STK4: variants seen among roughly 807,000 people sequenced by gnomAD.
The protein encoded by STK4 is serine/threonine-protein kinase 4.
Under a neutral mutation model 64.9 loss-of-function variants are expected in STK4, and 30 were observed. The ratio of observed to expected loss-of-function variants is 0.46; its 90% confidence interval spans 0.35 to 0.63. The LOEUF (loss-of-function observed/expected upper bound fraction) is 0.63. Ranked by LOEUF, STK4 falls within the 20% of genes least tolerant of loss-of-function variation. STK4 has a pLI of 0.01. For missense variants in STK4, 466 were observed against 598.5 expected (o/e 0.78, Z 2.31); for synonymous variants, 177 against 199.0 (o/e 0.89, Z 0.93).
chr20:45,032,870 C>A (rs2068468578), intron 10 of STK4, among the ~76,000 whole-genome samples: 1 of 152,166 alleles, frequency 6.6e-6, no homozygotes, highest in South Asian at 2.1e-4. Context: ...CATGATTGAA[C>A]TAATTTACAT....
intron 10 of STK4, among the ~76,000 whole-genome samples, chr20:45,041,516 G>A (rs1057209162): frequency 3.9e-5 from 6 of 152,112 alleles, no homozygotes; most frequent in Non-Finnish European, 5.9e-5. Flanking sequence ...AGTTTATTCA[G>A]CCAGTCCTCT....
chr20:45,043,244 C>T (rs1390175947), intron 10 of STK4, among the ~76,000 whole-genome samples: 1 of 152,122 alleles, frequency 6.6e-6, no homozygotes, highest in African/African-American at 2.4e-5. Flanking sequence ...GTTCTTTATC[C>T]AGTCTATCAT....
At chr20:45,003,545 T>C (rs1030350759) in intron 9 of STK4, among the ~76,000 whole-genome samples, 4 of 152,176 alleles carry the variant, frequency 2.6e-5, no homozygotes, top group African/African-American at 9.7e-5. Flanking sequence ...TGAAAATGGA[T>C]AGACTTTCAT....
intron 10 of STK4, among the ~76,000 whole-genome samples, chr20:45,063,131 G>A (rs1177980573): frequency 6.7e-6 from 1 of 148,678 alleles, no homozygotes; most frequent in Non-Finnish European, 1.5e-5. Context: ...AGCCTCCTGA[G>A]TAGCTGGGAC....
intron 5 of STK4, among the ~76,000 whole-genome samples, chr20:44,994,489 C>CTT (rs939619207): frequency 6.9e-6 from 1 of 144,746 alleles, no homozygotes; most frequent in African/African-American, 2.5e-5. Flanking sequence ...TATATATCTT[C>CTT]TTTTTTTTTT....
intron 1 of STK4, among the ~76,000 whole-genome samples, chr20:44,969,465 C>T (rs1303018689): frequency 6.6e-6 from 1 of 152,112 alleles, no homozygotes; most frequent in Admixed American, 6.6e-5. Flanking sequence ...TCCAATAACC[C>T]CAGTGCAGGA....
intron 6 of STK4, among the ~76,000 whole-genome samples, chr20:44,995,599 C>A (rs1221403006): frequency 9.2e-6 from 1 of 108,600 alleles, no homozygotes; most frequent in Admixed American, 9.4e-5. Flanking sequence ...GAGTGAGACT[C>A]CATCTCAAAA....
At chr20:44,968,904 G>A (rs1202138614) in intron 1 of STK4, among the ~76,000 whole-genome samples, 1 of 152,120 alleles carries the variant, frequency 6.6e-6, no homozygotes, top group Non-Finnish European at 1.5e-5. Flanking sequence ...TGGAGTGGGT[G>A]GTTTAAGCAA....
chr20:45,005,647 CAA>C (rs1214893882), intron 9 of STK4, among the ~76,000 whole-genome samples: 26 of 65,684 alleles, frequency 4.0e-4, no homozygotes, highest in South Asian at 4.9e-4. Flanking sequence ...GACTCTGTCT[CAA>C]AAAAAAAAAA....
At chr20:45,023,643 G>T (rs2068288838) in intron 9 of STK4, among the ~76,000 whole-genome samples, 1 of 152,158 alleles carries the variant, frequency 6.6e-6, no homozygotes, top group Non-Finnish European at 1.5e-5. Flanking sequence ...CATTCAGCTA[G>T]TTTGATTTTT....
At chr20:45,038,474 G>C (rs936480871) in intron 10 of STK4, among the ~76,000 whole-genome samples, 4 of 151,998 alleles carry the variant, frequency 2.6e-5, no homozygotes, top group Non-Finnish European at 5.9e-5. Flanking sequence ...GAAGTTGGTT[G>C]ATATGTCTCT....
chr20:45,069,549 C>T (rs1979878695), intron 10 of STK4, among the ~76,000 whole-genome samples: 1 of 152,228 alleles, frequency 6.6e-6, no homozygotes, highest in African/African-American at 2.4e-5. Flanking sequence ...CACAGACATT[C>T]TCATTAAGTG....
At chr20:45,020,257 C>T (rs909108771) in intron 9 of STK4, among the ~76,000 whole-genome samples, 16 of 152,244 alleles carry the variant, frequency 1.1e-4, no homozygotes, top group African/African-American at 3.4e-4. Flanking sequence ...TAAGGCTTTT[C>T]CCCCTCTACT....
chr20:44,980,006 C>T (rs1001695648), intron 3 of STK4, among the ~76,000 whole-genome samples: 1 of 152,068 alleles, frequency 6.6e-6, no homozygotes, highest in South Asian at 2.1e-4. Flanking sequence ...TATTTTCAAG[C>T]GTCTACTCTG....
chr20:45,038,787 AATTT>A (rs1260745389), intron 10 of STK4, among the ~76,000 whole-genome samples: 2 of 152,068 alleles, frequency 1.3e-5, no homozygotes, highest in African/African-American at 4.8e-5. Flanking sequence ...ATGTTTAAAG[AATTT>A]ATTTACTTAA....
intron 9 of STK4, among the ~76,000 whole-genome samples, chr20:45,019,003 A>G (rs957201922): frequency 3.9e-5 from 6 of 152,162 alleles, no homozygotes; most frequent in African/African-American, 1.4e-4. Context: ...AAGTGCTGGA[A>G]TTACAGGCAT....
At chr20:44,969,640 A>G (rs1410001151) in intron 1 of STK4, among the ~76,000 whole-genome samples, 2 of 152,238 alleles carry the variant, frequency 1.3e-5, no homozygotes, top group African/African-American at 4.8e-5. Context: ...GGCCATCCAC[A>G]TGGCCATCTG....
At chr20:45,053,668 C>G (rs1194730698) in intron 10 of STK4, among the ~76,000 whole-genome samples, 7 of 152,098 alleles carry the variant, frequency 4.6e-5, no homozygotes, top group Admixed American at 4.6e-4. Context: ...TTCCTAGAAG[C>G]CATTGTCTCT....
Position 45,001,161 on chromosome 20 carries a change from T to C in STK4, c.961-6T>C. ...AGCCCCAATTTGAGATTGTATCCTTTTACAGGAAGAGGATGAAATGGATTC... is the reference window on the plus strand; with the variant it reads ...AGCCCCAATTTGAGATTGTATCCTTCTACAGGAAGAGGATGAAATGGATTC... On this transcript the variant is annotated splice_polypyrimidine_tract_variant and splice_region_variant and intron_variant, in intron 8 of 10. Transcript: ENST00000372806. 6.2e-7 allele frequency: 1 copy of C among 1,601,976 alleles called. No individual in the cohort carries two copies. The highest frequency in any genetic ancestry group is 2.2e-5 in the East Asian group (1 of 44,584).
Sources: gnomAD v4.1 joint callset for allele counts (sites outside exome capture counted in the v4.1 genomes callset) on GRCh38, gnomAD v4.1.1 for gene constraint, MANE v1.5 for transcripts, NCBI Gene and HGNC (gene_info 2026-07-23, HGNC 2026-07-21) for gene names.